DISP1: variants seen among roughly 807,000 people sequenced by gnomAD.
The protein encoded by DISP1 is dispatched RND transporter family member 1.
In DISP1, 30 loss-of-function variants were observed where a neutral mutation model predicts 37.3. That is an observed-to-expected ratio of 0.80 (90% CI 0.60 to 1.09). DISP1 has a LOEUF of 1.09. Among genes scored for constraint, DISP1 ranks in the 50% least tolerant of loss-of-function variants. The pLI is 0.00. For synonymous variants in DISP1, 634 were observed against 690.2 expected (o/e 0.92, Z 1.28); for missense variants, 1,598 against 1,879.5 (o/e 0.85, Z 2.77).
rs570049650 is a variant in DISP1, at chr1:222,983,120, C to G, written c.539+11C>G. The G allele has an allele frequency of 2.5e-6, 4 of 1,589,008 alleles. No individual in the cohort carries two copies. The South Asian group carries it at 3.3e-5, about 13-fold the overall frequency. On this transcript the variant is annotated intron_variant, in intron 4 of 8. Transcript: ENST00000675850. Reference sequence around the variant, plus strand: ...CAAGTTGCCAAAAAGGTAAAGTAATCTGGGTCATCTTATTAAATAATAAAC... The same window carrying G: ...CAAGTTGCCAAAAAGGTAAAGTAATGTGGGTCATCTTATTAAATAATAAAC...
At chr1:222,870,564 G>GT (rs1404821656) in intron 1 of DISP1, among the ~76,000 whole-genome samples, 1 of 152,140 alleles carries the variant, frequency 6.6e-6, no homozygotes, top group Non-Finnish European at 1.5e-5. Context: ...TTTTTCATGT[G>GT]TTTTTTGGCT....
chr1:222,816,072 A>AATATAT lies in DISP1; in HGVS notation c.-159+1020_-159+1025dup, dbSNP rs68057775. Among the ~76,000 whole-genome samples the AATATAT allele has an allele frequency of 9.2e-3, 1,332 of 144,066 alleles. 3 individuals are homozygous for AATATAT. The highest frequency in any genetic ancestry group is 0.016 in the Admixed American group (224 of 14,354). The allele number at this position is 144,066 out of a possible 152,430, so 94.5% of individuals were successfully genotyped here. On this transcript the variant is annotated intron_variant, in intron 1 of 8. Coordinates refer to ENST00000675850, the MANE Select transcript of DISP1 (RefSeq NM_001377229.1). ...TTCCTTTTTATTTCTGCTGTAAGGA[A>AATATAT]ATATATATATATATATATATATATA...
At chr1:223,002,241 C>G in intron 8 of DISP1, 144 bp from the exon 9 acceptor site, 1 of 826,662 alleles carries the variant, frequency 1.2e-6, no homozygotes, top group South Asian at 1.5e-5. Context: ...TGTATTCAAA[C>G]TGATTCCTAG....
intron 1 of DISP1, among the ~76,000 whole-genome samples, chr1:222,847,099 C>T (rs1667956878): frequency 6.6e-6 from 1 of 152,158 alleles, no homozygotes; most frequent in Non-Finnish European, 1.5e-5. Context: ...GCAGACATCT[C>T]ATATCATTCT....
chr1:222,919,123 C>T (rs1164663587), intron 1 of DISP1, among the ~76,000 whole-genome samples: 1 of 152,142 alleles, frequency 6.6e-6, no homozygotes, highest in Non-Finnish European at 1.5e-5. Flanking sequence ...AACCACCAAC[C>T]GGCAATTAAG....
At chr1:222,887,025 T>A (rs1240888279) in intron 1 of DISP1, among the ~76,000 whole-genome samples, 2 of 152,166 alleles carry the variant, frequency 1.3e-5, no homozygotes, top group Non-Finnish European at 2.9e-5. Flanking sequence ...AATGCACAAC[T>A]TTACATAAAC....
chr1:222,993,831 A>G (rs1392969982), intron 7 of DISP1, among the ~76,000 whole-genome samples: 2 of 152,174 alleles, frequency 1.3e-5, no homozygotes, highest in African/African-American at 4.8e-5. Flanking sequence ...GACTAAAGCC[A>G]TTACCAGCTC....
chr1:222,937,136 C>A (rs1673994811), intron 2 of DISP1, among the ~76,000 whole-genome samples: 1 of 145,408 alleles, frequency 6.9e-6, no homozygotes, highest in African/African-American at 2.6e-5. Flanking sequence ...GTCGCCCAGG[C>A]TGGAGTGCAG....
chr1:223,002,688 T>C lies in DISP1; in HGVS notation c.1291T>C (p.Leu431=). 3 of 1,614,134 alleles carry C rather than the reference T, an allele frequency of 1.9e-6. No individual in the cohort carries two copies. The highest frequency in any genetic ancestry group is 2.5e-6 in the Non-Finnish European group (3 of 1,180,020). Residue 431 remains leucine, a synonymous_variant, in exon 9 of 9, where the codon TTG becomes CTG. Transcript: ENST00000675850. ...TGCTGTGTACCAGATCCTCCATTACTTGGTGGACAAAGACTTTATGACCCC... is the reference window on the plus strand; with the variant it reads ...TGCTGTGTACCAGATCCTCCATTACCTGGTGGACAAAGACTTTATGACCCC... The part of the protein sequence containing the change: ...YNAVYQILHY[L]VDKDFMTPKT...
At chr1:222,962,240 C>A (rs896065740) in intron 3 of DISP1, among the ~76,000 whole-genome samples, 4 of 152,054 alleles carry the variant, frequency 2.6e-5, no homozygotes, top group Non-Finnish European at 5.9e-5. Context: ...TGGGAAGGAC[C>A]TCTTGAAGGA....
intron 4 of DISP1, among the ~76,000 whole-genome samples, chr1:222,983,431 A>G (rs1182383163): frequency 1.3e-5 from 2 of 152,114 alleles, no homozygotes; most frequent in East Asian, 3.9e-4. Context: ...AGCCTGGCCA[A>G]CATGGCAAAA....
intron 4 of DISP1, among the ~76,000 whole-genome samples, chr1:222,990,100 C>T (rs1678587425): frequency 6.6e-6 from 1 of 152,266 alleles, no homozygotes; most frequent in South Asian, 2.1e-4. Context: ...CCATGCTCAG[C>T]CCTTAGTTTG....
intron 3 of DISP1, among the ~76,000 whole-genome samples, chr1:222,972,155 A>G (rs1372228202): frequency 6.6e-6 from 1 of 152,124 alleles, no homozygotes; most frequent in African/African-American, 2.4e-5. Flanking sequence ...AATATGTTAT[A>G]ACATGCATAG....
intron 1 of DISP1, among the ~76,000 whole-genome samples, chr1:222,870,346 A>G (rs1669468990): frequency 1.3e-5 from 2 of 152,172 alleles, no homozygotes; most frequent in Non-Finnish European, 2.9e-5. Flanking sequence ...CTAGTTCTAG[A>G]TCCCTGAGGA....
intron 2 of DISP1, among the ~76,000 whole-genome samples, chr1:222,934,561 AT>A (rs766366398): frequency 3.3e-5 from 5 of 152,124 alleles, no homozygotes; most frequent in Non-Finnish European, 5.9e-5. Context: ...TCATTTTAGG[AT>A]AAGCAGGAAG....
chr1:222,923,063 CAAAGG>C (rs1294222841), intron 1 of DISP1, among the ~76,000 whole-genome samples: 1 of 151,918 alleles, frequency 6.6e-6, no homozygotes, highest in Non-Finnish European at 1.5e-5. Context: ...TATTGTCTGG[CAAAGG>C]AAAGGAAAAG....
At chr1:222,936,823 T>TG (rs1553331700) in intron 2 of DISP1, among the ~76,000 whole-genome samples, 1 of 26,886 alleles carries the variant, frequency 3.7e-5, no homozygotes, top group African/African-American at 1.2e-4. Context: ...TTATATATAA[T>TG]ATATATAAAT....
intron 1 of DISP1, among the ~76,000 whole-genome samples, chr1:222,906,709 C>T (rs1300583364): frequency 6.6e-6 from 1 of 152,226 alleles, no homozygotes; most frequent in East Asian, 1.9e-4. Context: ...TAATCCACCC[C>T]TTGTTTCACT....
chr1:222,932,676 A>G (rs1673476334), intron 2 of DISP1, among the ~76,000 whole-genome samples: 1 of 152,030 alleles, frequency 6.6e-6, no homozygotes, highest in Non-Finnish European at 1.5e-5. Flanking sequence ...GCGCAAAGCT[A>G]TGAGAAGCCT....
Sources: gnomAD v4.1 joint callset for allele counts (sites outside exome capture counted in the v4.1 genomes callset) on GRCh38, gnomAD v4.1.1 for gene constraint, MANE v1.5 for transcripts, NCBI Gene and HGNC (gene_info 2026-07-23, HGNC 2026-07-21) for gene names.